Variants in ZFHX3 observed in about 807,000 individuals in gnomAD.
ZFHX3 encodes zinc finger homeobox 3, also known as zinc finger homeobox protein 3.
In ZFHX3, 42 loss-of-function variants were observed where a neutral mutation model predicts 279.1. The ratio of observed to expected loss-of-function variants is 0.15; its 90% CI spans 0.12 to 0.19. The LOEUF is 0.19. Ranked by LOEUF, ZFHX3 falls within the 10% of genes least tolerant of loss-of-function variation. ZFHX3 has a pLI of 1.00. For synonymous variants in ZFHX3, 2,293 were observed against 1,957.8 expected (o/e 1.17, Z -4.52); for missense variants, 4,981 against 4,754.0 (o/e 1.05, Z -1.40).
chr16:73,008,981 C>A (rs1316581188), intron 1 of ZFHX3, among the ~76,000 whole-genome samples: 1 of 151,714 alleles, frequency 6.6e-6, no homozygotes, highest in Admixed American at 6.6e-5. Context: ...GAGGTTCCAA[C>A]TGGGCTATTT....
intron 4 of ZFHX3, among the ~76,000 whole-genome samples, chr16:72,881,561 T>C (rs1045545746): frequency 2.6e-5 from 4 of 152,200 alleles, no homozygotes; most frequent in African/African-American, 9.6e-5. Flanking sequence ...TCATATAGGA[T>C]GTAAGTAGCC....
chr16:73,196,430 C>T lies in ZFHX3; in HGVS notation c.-1103-52599G>A, dbSNP rs983399510. Among the ~76,000 whole-genome samples the T allele has an allele frequency of 1.1e-4, 17 of 152,106 alleles. No homozygotes were observed. The East Asian group carries it at 1.4e-3, about 12-fold the overall frequency. The stretch of plus-strand genomic sequence containing the variant: ...TACGGACTTCGATACAGCCTAGTGA[C>T]GCCATATTTGTAGATCATAGACAAC... On this transcript the variant is annotated intron_variant, in intron 5 of 17. Transcript: ENST00000641206.
At chr16:73,684,091 T>C (rs1329934573) in intron 1 of ZFHX3, among the ~76,000 whole-genome samples, 1 of 152,092 alleles carries the variant, frequency 6.6e-6, no homozygotes, top group Non-Finnish European at 1.5e-5. Context: ...CCCAGGAGCT[T>C]GACACTAGCC....
intron 5 of ZFHX3, among the ~76,000 whole-genome samples, chr16:73,225,148 A>C (rs906181746): frequency 6.6e-6 from 1 of 152,156 alleles, no homozygotes; most frequent in Non-Finnish European, 1.5e-5. Flanking sequence ...GTGTACTGCC[A>C]AGTCTTGTCT....
chr16:73,640,169 T>C (rs1368602257), intron 2 of ZFHX3, among the ~76,000 whole-genome samples: 1 of 152,100 alleles, frequency 6.6e-6, no homozygotes. Flanking sequence ...GAGCATTCAG[T>C]GAAAGTTTGC....
chr16:73,841,266 A>G (rs1159762361), intron 1 of ZFHX3, among the ~76,000 whole-genome samples: 3 of 152,050 alleles, frequency 2.0e-5, no homozygotes, highest in Non-Finnish European at 4.4e-5. Flanking sequence ...CAGCTCCTAC[A>G]TCACAAGGAA....
At chr16:73,855,818 G>C (rs1284550182) in intron 1 of ZFHX3, among the ~76,000 whole-genome samples, 18 of 152,212 alleles carry the variant, frequency 1.2e-4, no homozygotes, top group East Asian at 1.9e-4. Context: ...TTCAGCAAAG[G>C]CATCCCAAAG....
intron 2 of ZFHX3, among the ~76,000 whole-genome samples, chr16:72,951,560 C>T (rs1210881104): frequency 1.3e-5 from 2 of 152,196 alleles, no homozygotes; most frequent in Non-Finnish European, 2.9e-5. Context: ...CCGCGCCCAG[C>T]CACCTCTTTA....
At chr16:72,919,523 G>C (rs552629684) in intron 3 of ZFHX3, among the ~76,000 whole-genome samples, 37 of 151,982 alleles carry the variant, frequency 2.4e-4, no homozygotes, top group African/African-American at 8.0e-4. Flanking sequence ...AAGAATCCTT[G>C]AGCCAGGTGG....
intron 4 of ZFHX3, among the ~76,000 whole-genome samples, chr16:73,307,106 T>A (rs1403633462): frequency 2.6e-5 from 4 of 152,230 alleles, no homozygotes; most frequent in Non-Finnish European, 5.9e-5. Context: ...AGATGATCTT[T>A]GGAGTAAGAA....
intron 2 of ZFHX3, among the ~76,000 whole-genome samples, chr16:73,659,672 C>G (rs2052759751): frequency 6.6e-6 from 1 of 152,038 alleles, no homozygotes; most frequent in Non-Finnish European, 1.5e-5. Flanking sequence ...CAAAGCATGG[C>G]AAAGTCTATC....
chr16:72,859,080 C>T (rs2037820698), intron 4 of ZFHX3, among the ~76,000 whole-genome samples: 1 of 152,224 alleles, frequency 6.6e-6, no homozygotes, highest in Non-Finnish European at 1.5e-5. Context: ...TCTGAAAGCC[C>T]TCCCCACGTT....
chr16:73,117,617 A>G (rs1339409877), intron 7 of ZFHX3, among the ~76,000 whole-genome samples: 2 of 152,218 alleles, frequency 1.3e-5, no homozygotes, highest in Non-Finnish European at 2.9e-5. Flanking sequence ...ATAGTCTGCA[A>G]TTGTTTAAAT....
At chr16:73,517,111 T>C (rs1472139371) in intron 2 of ZFHX3, among the ~76,000 whole-genome samples, 1 of 152,196 alleles carries the variant, frequency 6.6e-6, no homozygotes, top group Non-Finnish European at 1.5e-5. Flanking sequence ...TTTCCTTCAG[T>C]CTCGCTTTAC....
At chr16:73,799,893 A>G (rs1960094360) in intron 1 of ZFHX3, among the ~76,000 whole-genome samples, 1 of 152,138 alleles carries the variant, frequency 6.6e-6, no homozygotes, top group South Asian at 2.1e-4. Flanking sequence ...ACGTACACGA[A>G]TAATAACAAC....
chr16:73,000,230 G>A (rs1033976494), intron 1 of ZFHX3, among the ~76,000 whole-genome samples: 1 of 152,212 alleles, frequency 6.6e-6, no homozygotes, highest in Non-Finnish European at 1.5e-5. Context: ...TGTCCCCAGG[G>A]CACTGGAGAG....
chr16:73,040,142 G>A (rs1234942342), intron 1 of ZFHX3, among the ~76,000 whole-genome samples: 1 of 152,092 alleles, frequency 6.6e-6, no homozygotes, highest in African/African-American at 2.4e-5. Context: ...AGTCTGAACT[G>A]GGGGAGTCAC....
chr16:73,125,817 CAT>C (rs1192045647), intron 7 of ZFHX3, among the ~76,000 whole-genome samples: 3 of 151,496 alleles, frequency 2.0e-5, no homozygotes, highest in East Asian at 3.9e-4. Context: ...TATATATATG[CAT>C]ATATATACAC....
intron 4 of ZFHX3, among the ~76,000 whole-genome samples, chr16:73,307,209 C>T (rs907646805): frequency 3.9e-5 from 6 of 152,210 alleles, no homozygotes; most frequent in East Asian, 1.9e-4. Flanking sequence ...GGCCAACCAT[C>T]GTACACATGA....
Sources: allele counts gnomAD v4.1 joint callset (sites outside exome capture counted in the v4.1 genomes callset), GRCh38; gene constraint gnomAD v4.1.1; transcripts MANE v1.5; gene names NCBI Gene and HGNC (gene_info 2026-07-23, HGNC 2026-07-21).